Variants in CCBE1 observed in about 807,000 individuals in gnomAD.
The protein encoded by CCBE1 is collagen and calcium-binding EGF domain-containing protein 1.
Under a neutral mutation model 50.0 loss-of-function variants are expected in CCBE1, and 37 were observed. The observed-to-expected ratio is 0.74, with a 90% CI of 0.57 to 0.97. CCBE1 has a LOEUF of 0.97. CCBE1 is among the 50% of genes least tolerant of loss of function. CCBE1 has a pLI of 0.00. For synonymous variants in CCBE1, 234 were observed against 203.7 expected, an observed-to-expected ratio of 1.15 and a Z score of -1.27; for missense variants, 538 against 523.8, an observed-to-expected ratio of 1.03 and a Z score of -0.26.
intron 2 of CCBE1, among the ~76,000 whole-genome samples, chr18:59,587,292 T>C (rs767658594): frequency 7.2e-5 from 11 of 152,186 alleles, no homozygotes; most frequent in Non-Finnish European, 1.0e-4. Context: ...ACAAAGAATA[T>C]ATTGTGGTCA....
chr18:59,514,710 A>G (rs1914294140), intron 2 of CCBE1, among the ~76,000 whole-genome samples: 1 of 151,406 alleles, frequency 6.6e-6, no homozygotes, highest in South Asian at 2.1e-4. Context: ...TTAAAGAGCA[A>G]ACACTTCATC....
intron 3 of CCBE1, among the ~76,000 whole-genome samples, chr18:59,473,003 A>T (rs1289496220): frequency 6.6e-6 from 1 of 152,108 alleles, no homozygotes; most frequent in Non-Finnish European, 1.5e-5. Flanking sequence ...TGATTCAATT[A>T]TCTCCACCTG....
chr18:59,587,659 A>G (rs910506918), intron 2 of CCBE1, among the ~76,000 whole-genome samples: 33 of 152,342 alleles, frequency 2.2e-4, no homozygotes, highest in African/African-American at 7.7e-4. Context: ...GCATTTGTCT[A>G]ATCTATCGCC....
chr18:59,658,347 AAAAAAAAATATATATATATAT>A (rs2054223553), intron 2 of CCBE1, among the ~76,000 whole-genome samples: 2 of 34,068 alleles, frequency 5.9e-5, no homozygotes, highest in Non-Finnish European at 9.7e-5. Context: ...AAAAAAAAAA[AAAAAAAAATATATATATATAT>A]ATATATATAT....
At chr18:59,656,725 T>C (rs1041064271) in intron 2 of CCBE1, among the ~76,000 whole-genome samples, 1 of 152,220 alleles carries the variant, frequency 6.6e-6, no homozygotes, top group Non-Finnish European at 1.5e-5. Flanking sequence ...AAGACTTATT[T>C]TGTCTAAAGA....
intron 2 of CCBE1, among the ~76,000 whole-genome samples, chr18:59,560,325 C>A (rs2052716263): frequency 6.6e-6 from 1 of 152,180 alleles, no homozygotes; most frequent in Non-Finnish European, 1.5e-5. Flanking sequence ...CAGTTAGCAT[C>A]ATTCTCAGCA....
chr18:59,569,827 T>C (rs1208091553), intron 2 of CCBE1, among the ~76,000 whole-genome samples: 1 of 152,146 alleles, frequency 6.6e-6, no homozygotes, highest in Non-Finnish European at 1.5e-5. Flanking sequence ...GATGGAGTCT[T>C]GCTCTGTTAC....
At chr18:59,646,041 A>G (rs2144656328) in intron 2 of CCBE1, among the ~76,000 whole-genome samples, 2 of 152,160 alleles carry the variant, frequency 1.3e-5, no homozygotes, top group South Asian at 4.2e-4. Context: ...CTCAAAAAAA[A>G]AGAAAAAAAA....
At chr18:59,630,168 G>A (rs539672409) in intron 2 of CCBE1, among the ~76,000 whole-genome samples, 6 of 152,134 alleles carry the variant, frequency 3.9e-5, no homozygotes, top group Non-Finnish European at 7.4e-5. Context: ...TTTGACCTCC[G>A]CCTCATGCTC....
At chr18:59,671,965 T>C (rs753344528) in intron 2 of CCBE1, among the ~76,000 whole-genome samples, 6 of 152,100 alleles carry the variant, frequency 3.9e-5, no homozygotes, top group Non-Finnish European at 5.9e-5. Flanking sequence ...AGGCAAAGCC[T>C]GCAAAACCCT....
At chr18:59,508,060 T>C (rs1568177321) in intron 2 of CCBE1, among the ~76,000 whole-genome samples, 1 of 151,892 alleles carries the variant, frequency 6.6e-6, no homozygotes, top group Non-Finnish European at 1.5e-5. Flanking sequence ...CCCAGCTAAA[T>C]TTTTTATATT....
intron 3 of CCBE1, 61 bp from the exon 4 acceptor site, chr18:59,469,668 G>A (rs1440639309): frequency 1.2e-6 from 2 of 1,608,360 alleles, no homozygotes; most frequent in Non-Finnish European, 1.7e-6. Flanking sequence ...ACCTGGCCCT[G>A]GCCTGGAAAG....
At chr18:59,516,239 TG>T (rs767831137) in intron 2 of CCBE1, among the ~76,000 whole-genome samples, 29 of 150,970 alleles carry the variant, frequency 1.9e-4, no homozygotes, top group East Asian at 4.1e-4. Context: ...GATTACAGTT[TG>T]TTTTTTTTTT....
chr18:59,533,852 T>C (rs543865809), intron 2 of CCBE1, among the ~76,000 whole-genome samples: 1 of 152,368 alleles, frequency 6.6e-6, no homozygotes, highest in African/African-American at 2.4e-5. Context: ...ATATAATTTA[T>C]ATATTCATAT....
intron 5 of CCBE1, among the ~76,000 whole-genome samples, chr18:59,458,567 G>T (rs1911312820): frequency 1.3e-5 from 2 of 152,220 alleles, no homozygotes; most frequent in African/African-American, 4.8e-5. Flanking sequence ...CGTATCTTTA[G>T]TTCAATCTCT....
Position 59,433,177 on chromosome 18 carries a change from CT to C in CCBE1, c.*2730del, listed in dbSNP as rs1910002512. ...ACCCCACCCTAAAAAGAAATTTTTT[CT>C]TTTTAAAAAGTCTCCTTTATTCGAA... On this transcript the variant is annotated 3_prime_UTR_variant, in exon 11 of 11. Transcript: ENST00000439986. 1 of 152,004 alleles carries C rather than the reference CT, an allele frequency of 6.6e-6. No homozygotes were observed. 9.4% of individuals were successfully genotyped at this position (152,004 alleles called of 1,614,324 possible). A position where few individuals can be genotyped will look rare whatever the true frequency, so the allele number is the denominator to read the frequency against.
intron 2 of CCBE1, among the ~76,000 whole-genome samples, chr18:59,531,282 T>A (rs952560552): frequency 5.9e-5 from 9 of 151,806 alleles, no homozygotes; most frequent in African/African-American, 1.9e-4. Flanking sequence ...CCCAAGCCAG[T>A]GTGAAAGATG....
chr18:59,614,069 G>A (rs113086346), intron 2 of CCBE1, among the ~76,000 whole-genome samples: 7,883 of 152,064 alleles, frequency 0.052, 565 homozygotes, highest in African/African-American at 0.16. Flanking sequence ...GCAGTAGTGC[G>A]ATCTCGTCTA....
rs2054826135 is a variant in CCBE1, at chr18:59,697,393, G to T, written c.-51C>A. Reference sequence around the variant, plus strand: ...GCGCCGAGCTCCGTCCGGACCAAGCGTCCTGCTCCTCCGCGGCCGCCGCCG... The same window carrying T: ...GCGCCGAGCTCCGTCCGGACCAAGCTTCCTGCTCCTCCGCGGCCGCCGCCG... On this transcript the variant is annotated 5_prime_UTR_variant, in exon 1 of 11. Transcript: ENST00000439986. 15 of 1,523,450 alleles carry T rather than the reference G, an allele frequency of 9.8e-6. No individual in the cohort carries two copies. Among genetic ancestry groups the T allele is most frequent in the African/African-American group, 1.4e-5 (1 of 72,210 alleles). The allele number at this position is 1,523,450 out of a possible 1,614,324, so 94.4% of individuals were successfully genotyped here. A position where few individuals can be genotyped will look rare whatever the true frequency, so the allele number is the denominator to read the frequency against.
Sources: gnomAD v4.1 joint callset for allele counts (sites outside exome capture counted in the v4.1 genomes callset) on GRCh38, gnomAD v4.1.1 for gene constraint, MANE v1.5 for transcripts, NCBI Gene and HGNC (gene_info 2026-07-23, HGNC 2026-07-21) for gene names.